SLC7A14: variants seen among roughly 807,000 people sequenced by gnomAD.
The protein encoded by SLC7A14 is solute carrier family 7 member 14.
SLC7A14 carries 37 observed loss-of-function variants against 60.2 expected under a neutral mutation model. The ratio of observed to expected loss-of-function variants is 0.61; its 90% CI spans 0.47 to 0.81. The LOEUF (loss-of-function observed/expected upper bound fraction) is 0.81, where lower values mean the gene tolerates loss of function less well. Ranked by LOEUF, SLC7A14 falls within the 30% of genes least tolerant of loss-of-function variation. The pLI, the probability that SLC7A14 is intolerant of heterozygous loss-of-function variation, is 0.00. For missense variants in SLC7A14, 886 were observed against 982.7 expected (o/e 0.90, Z 1.32); for synonymous variants, 399 against 395.8 (o/e 1.01, Z -0.10).
chr3:170,464,509 G>A lies in SLC7A14; in HGVS notation c.*2546C>T, dbSNP rs1436987246. On this transcript the variant is annotated 3_prime_UTR_variant, in exon 8 of 8. Coordinates refer to ENST00000231706, the MANE Select transcript of SLC7A14 (RefSeq NM_020949.3). The stretch of plus-strand genomic sequence containing the variant: ...GTTCACAGAAGCAGGTAAACCTGAG[G>A]ACAAACATGTCTATGTACCTGAAAA... 6.6e-6 allele frequency: 1 copy of A among 152,288 alleles called. No individual in the cohort carries two copies. The highest frequency in any genetic ancestry group is 1.9e-4 in the East Asian group (1 of 5,196). 9.4% of individuals were successfully genotyped at this position (152,288 alleles called of 1,614,324 possible).
rs765639350 is a variant in SLC7A14 at position 170,467,351 on chromosome 3, T to G, written c.2020A>C (p.Ile674Leu). 1.1e-5 allele frequency: 17 copies of G among 1,604,454 alleles called. No homozygotes were observed. In the Admixed American group the frequency reaches 2.9e-4, roughly 27 times the overall value. Reference protein sequence around the residue: ...VGLLIYFGYGIWNSTLEISAR... With the variant: ...VGLLIYFGYGLWNSTLEISAR... Reference sequence around the variant, plus strand: ...CTGATTTCCAGGGTGCTGTTCCAGATGCCATATCCAAAATAAATGAGCAGA... The same window carrying G: ...CTGATTTCCAGGGTGCTGTTCCAGAGGCCATATCCAAAATAAATGAGCAGA... The change falls in exon 8 of 8, where the codon ATC becomes CTC. Residue 674 changes from isoleucine (I) to leucine (L), a missense_variant. Ile to Leu is a conservative substitution (Grantham distance 5). Coordinates refer to ENST00000231706, the MANE Select transcript of SLC7A14 (RefSeq NM_020949.3).
chr3:170,475,827 C>T (rs563176847), intron 7 of SLC7A14, among the ~76,000 whole-genome samples: 5 of 152,250 alleles, frequency 3.3e-5, no homozygotes, highest in South Asian at 4.1e-4. Flanking sequence ...ATTCTCCTGC[C>T]TCAGTCTCCC....
chr3:170,482,463 G>A (rs1165555239), intron 6 of SLC7A14, among the ~76,000 whole-genome samples: 1 of 152,174 alleles, frequency 6.6e-6, no homozygotes. Context: ...GGCCCCCTCT[G>A]CACACCTGAG....
intron 7 of SLC7A14, among the ~76,000 whole-genome samples, chr3:170,477,289 G>A (rs1015864082): frequency 4.0e-4 from 61 of 152,138 alleles, no homozygotes; most frequent in African/African-American, 1.4e-3. Flanking sequence ...ATGGAGAGAG[G>A]GAGAAGTGGG....
intron 2 of SLC7A14, among the ~76,000 whole-genome samples, chr3:170,512,768 A>G (rs1713027319): frequency 7.3e-6 from 1 of 137,082 alleles, no homozygotes; most frequent in African/African-American, 2.7e-5. Flanking sequence ...GGTTCACGCC[A>G]TTCTCCTGCC....
intron 1 of SLC7A14, among the ~76,000 whole-genome samples, chr3:170,543,512 G>C (rs564955925): frequency 1.3e-3 from 194 of 151,888 alleles, no homozygotes; most frequent in African/African-American, 4.4e-3. Context: ...AGCTGGGAGT[G>C]GTGGCGCATG....
intron 7 of SLC7A14, among the ~76,000 whole-genome samples, chr3:170,475,958 C>T (rs974526957): frequency 6.6e-6 from 1 of 152,100 alleles, no homozygotes; most frequent in African/African-American, 2.4e-5. Context: ...GGTGATCTGC[C>T]CACCTTGGCC....
In SLC7A14 at chr3:170,536,669, G is replaced by A. The variant is rs151187591; in HGVS notation, c.-152-9581C>T. Among the ~76,000 whole-genome samples the A allele has an allele frequency of 4.2e-3, 637 of 152,248 alleles. 3 individuals carry two copies. Among genetic ancestry groups the A allele is most frequent in the African/African-American group, 0.014 (594 of 41,546 alleles). On this transcript the variant is annotated intron_variant, in intron 1 of 7. Transcript: ENST00000231706. ...TCCCAGTCCCGTAGGACAAGCTATG[G>A]GTGAGACTTGAGTAAGCCACAGCTT...
chr3:170,471,676 C>T (rs570700082), intron 7 of SLC7A14, among the ~76,000 whole-genome samples: 4 of 152,190 alleles, frequency 2.6e-5, no homozygotes, highest in South Asian at 2.1e-4. Flanking sequence ...TCACTGGGAA[C>T]GGCATCATAT....
At chr3:170,551,040 A>C (rs1714334067) in intron 1 of SLC7A14, among the ~76,000 whole-genome samples, 1 of 152,194 alleles carries the variant, frequency 6.6e-6, no homozygotes, top group Non-Finnish European at 1.5e-5. Flanking sequence ...ACCCATGAGC[A>C]GTTACTCTCC....
chr3:170,490,544 T>A (rs1712184559), intron 4 of SLC7A14, among the ~76,000 whole-genome samples: 1 of 152,198 alleles, frequency 6.6e-6, no homozygotes, highest in African/African-American at 2.4e-5. Context: ...GACCTGGGGA[T>A]GTTTAACTTG....
rs573766541 is a variant in SLC7A14 at position 170,481,052 on chromosome 3, C to T, written c.1230G>A (p.Met410Ile). The change falls in exon 7 of 8, where the codon ATG (methionine) becomes ATA (isoleucine). Residue 410 changes from methionine to isoleucine, a missense_variant. Coordinates refer to ENST00000231706, the MANE Select transcript of SLC7A14 (RefSeq NM_020949.3). ...LLVSLRDLIE[M>I]MSIGTLLAYT... is the part of the protein sequence containing the mutation. ...AGGCCAGGAGCGTGCCGATAGACAT[C>T]ATCTCTATCAGGTCTCTCAAGCTGA... The T allele has an allele frequency of 1.2e-4, 194 of 1,614,116 alleles. No homozygotes were observed. The South Asian group carries it at 2.0e-3, about 17-fold the overall frequency.
At position 170,526,985 on chromosome 3, in the gene SLC7A14, C is replaced by G. The variant is rs751320346; in HGVS notation, c.-49G>C. 7.1e-6 allele frequency: 11 copies of G among 1,559,184 alleles called. No homozygotes were observed. The highest frequency in any genetic ancestry group is 1.4e-5 in the African/African-American group (1 of 73,998). The stretch of plus-strand genomic sequence containing the variant: ...AAGGTCAGCTGATGGAAGGGGGCTA[C>G]AAAGCCTTAGTGGATGGTTCTGGAA... On this transcript the variant is annotated 5_prime_UTR_variant, in exon 2 of 8. Coordinates refer to ENST00000231706, the MANE Select transcript of SLC7A14 (RefSeq NM_020949.3).
At position 170,481,132 on chromosome 3, in the gene SLC7A14, G is replaced by C; in HGVS notation, c.1150C>G (p.Pro384Ala). Reference sequence around the variant, plus strand: ...CCCGACACGATGCAGGCCACCACTGGTGTCTCTGTGTAGGAGCTGACGTGA... The same window carrying C: ...CCCGACACGATGCAGGCCACCACTGCTGTCTCTGTGTAGGAGCTGACGTGA... The part of the protein sequence containing the change: ...LAHVSSYTET[P>A]VVACIVSGFL... Residue 384 changes from proline to alanine, a missense_variant, in exon 7 of 8, where the codon CCA (proline) becomes GCA (alanine). Physicochemically the swap from Pro to Ala is conservative, Grantham distance 27. Transcript: ENST00000231706. 1 of 1,613,970 alleles carries C rather than the reference G, an allele frequency of 6.2e-7. No homozygotes were observed. The highest frequency in any genetic ancestry group is 1.3e-5 in the African/African-American group (1 of 75,010).
At chr3:170,527,489 A>G (rs896505605) in intron 1 of SLC7A14, among the ~76,000 whole-genome samples, 2 of 152,242 alleles carry the variant, frequency 1.3e-5, no homozygotes, top group African/African-American at 4.8e-5. Context: ...GTGCTCATCC[A>G]TCTCAACTCT....
At chr3:170,524,962 T>G (rs889312473) in intron 2 of SLC7A14, among the ~76,000 whole-genome samples, 2 of 152,200 alleles carry the variant, frequency 1.3e-5, no homozygotes, top group Admixed American at 1.3e-4. Context: ...CCAGCACACT[T>G]TCTGGTTGCA....
At chr3:170,507,128 A>G (rs1456834428) in intron 2 of SLC7A14, among the ~76,000 whole-genome samples, 2 of 152,222 alleles carry the variant, frequency 1.3e-5, no homozygotes, top group East Asian at 3.8e-4. Flanking sequence ...AGATTTTCCC[A>G]TTAATATGTA....
rs1346186214 is a variant in SLC7A14 at position 170,467,273 on chromosome 3, C to G, written c.2098G>C (p.Asp700His). 1 of 1,614,256 alleles carries G rather than the reference C, an allele frequency of 6.2e-7. No individual in the cohort carries two copies. Reference protein sequence around the residue: ...QSTYQRYDVDDPFSVEEGFSY... With the variant: ...QSTYQRYDVDHPFSVEEGFSY... ...AAACCCTCCTCCACTGAGAAGGGGT[C>G]ATCCACGTCGTAGCGTTGGTACGTG... The change falls in exon 8 of 8, where the codon GAC becomes CAC. Residue 700 changes from aspartate to histidine, a missense_variant. Transcript: ENST00000231706.
At chr3:170,524,460 GAC>G (rs1263987415) in intron 2 of SLC7A14, among the ~76,000 whole-genome samples, 1 of 152,028 alleles carries the variant, frequency 6.6e-6, no homozygotes, top group African/African-American at 2.4e-5. Flanking sequence ...TGAAGAATAA[GAC>G]ACAGGTAATT....
Sources: allele counts gnomAD v4.1 joint callset (sites outside exome capture counted in the v4.1 genomes callset), GRCh38; gene constraint gnomAD v4.1.1; transcripts MANE v1.5; gene names NCBI Gene and HGNC (gene_info 2026-07-23, HGNC 2026-07-21).